TMEM266: variants seen among roughly 807,000 people sequenced by gnomAD.
TMEM266 encodes transmembrane protein 266.
In TMEM266, 33 loss-of-function variants were observed where a neutral mutation model predicts 50.5. The ratio of observed to expected loss-of-function variants is 0.65; its 90% CI spans 0.50 to 0.87. The LOEUF (loss-of-function observed/expected upper bound fraction) is 0.87. Ranked by LOEUF, TMEM266 falls within the 40% of genes least tolerant of loss-of-function variation. The pLI is 0.00. For missense variants in TMEM266, 655 were observed against 695.1 expected, an observed-to-expected ratio of 0.94 and a Z score of 0.65; for synonymous variants, 310 against 292.3, an observed-to-expected ratio of 1.06 and a Z score of -0.62.
chr15:76,182,867 AG>A (rs981359225), intron 8 of TMEM266, among the ~76,000 whole-genome samples: 5 of 152,142 alleles, frequency 3.3e-5, no homozygotes, highest in Admixed American at 3.3e-4. Context: ...AAAGAAACCC[AG>A]GGCTTCAGTG....
At position 76,139,419 on chromosome 15, in the gene TMEM266, G is replaced by C. The variant is rs1250073434; in HGVS notation, c.227+1524G>C. On this transcript the variant is annotated intron_variant, in intron 3 of 10. Transcript: ENST00000388942. The surrounding 1 kb of genome is among the most constrained non-coding windows in gnomAD (Gnocchi z 4.1). ...CAGTGGCAGCACTGTCCTGAGCTCTGTCAGGTCCTTACCATCTTGAAGGCC... is the reference window on the plus strand; with the variant it reads ...CAGTGGCAGCACTGTCCTGAGCTCTCTCAGGTCCTTACCATCTTGAAGGCC... Among the ~76,000 whole-genome samples, 1 of 152,228 alleles carries C rather than the reference G, an allele frequency of 6.6e-6. No homozygotes were observed. The highest frequency in any genetic ancestry group is 2.4e-5 in the African/African-American group (1 of 41,464).
chr15:76,204,170 T>C lies in TMEM266; in HGVS notation c.1451T>C (p.Leu484Pro), dbSNP rs746862201. Residue 484 changes from leucine to proline, a missense_variant, in exon 11 of 11, where the codon CTG (leucine) becomes CCG (proline). Physicochemically the swap from Leu to Pro is moderately conservative, Grantham distance 98. This residue lies in a region of TMEM266 where 455 missense variants were observed against 401.8 expected (regional missense o/e 1.13). Transcript: ENST00000388942. Reference sequence around the variant, plus strand: ...CCCGAGCTGGAACACAGGGTAAGTCTGTTCAACCAGAAGAACCAGGAGGGC... The same window carrying C: ...CCCGAGCTGGAACACAGGGTAAGTCCGTTCAACCAGAAGAACCAGGAGGGC... The C allele has an allele frequency of 1.2e-5, 20 of 1,613,618 alleles. No homozygotes were observed. The highest frequency in any genetic ancestry group is 1.4e-5 in the Non-Finnish European group (17 of 1,180,002).
Position 76,202,266 on chromosome 15 carries a change from T to C in TMEM266, c.1021+2T>C. 1 of 1,612,978 alleles carries C rather than the reference T, an allele frequency of 6.2e-7. No individual in the cohort carries two copies. Among genetic ancestry groups the C allele is most frequent in the East Asian group, 2.2e-5 (1 of 44,856 alleles). Reference sequence around the variant, plus strand: ...AGTATTACAATGGGCCCAGCAGTGGTAAGTCTGGGTTGGGGCTGTTCTACA... The same window carrying C: ...AGTATTACAATGGGCCCAGCAGTGGCAAGTCTGGGTTGGGGCTGTTCTACA... On this transcript the variant is annotated splice_donor_variant, in intron 10 of 10. Coordinates refer to ENST00000388942, the MANE Select transcript of TMEM266 (RefSeq NM_152335.3). LOFTEE classifies it high-confidence loss of function.
chr15:76,084,942 TTTTC>T (rs1444964095), intron 1 of TMEM266, among the ~76,000 whole-genome samples: 3 of 150,428 alleles, frequency 2.0e-5, no homozygotes, highest in Non-Finnish European at 4.4e-5. Flanking sequence ...CAGATTTGCA[TTTTC>T]TTTTTCTTTT....
intron 1 of TMEM266, among the ~76,000 whole-genome samples, chr15:76,126,491 G>A (rs1338620420): frequency 6.6e-6 from 1 of 151,094 alleles, no homozygotes; most frequent in African/African-American, 2.4e-5. Context: ...TGCTAAGCCA[G>A]TCACAGAAAG....
intron 9 of TMEM266, among the ~76,000 whole-genome samples, chr15:76,201,227 A>G (rs1199770836): frequency 6.6e-6 from 1 of 152,024 alleles, no homozygotes; most frequent in Non-Finnish European, 1.5e-5. Flanking sequence ...AGTTCAGACC[A>G]TCCTGTGGCC....
At chr15:76,081,763 G>A (rs1290400930) in intron 1 of TMEM266, among the ~76,000 whole-genome samples, 1 of 152,156 alleles carries the variant, frequency 6.6e-6, no homozygotes, top group East Asian at 1.9e-4. Flanking sequence ...CCAGTTACAT[G>A]GTCACCACAC....
rs115345773 is a variant in TMEM266 at position 76,066,350 on chromosome 15, A to G, written c.-97+6334A>G. Reference sequence around the variant, plus strand: ...AGGAGGGATATATAGAAATAATTAAAATAATGAGAGCACAGGGAATAATTT... The same window carrying G: ...AGGAGGGATATATAGAAATAATTAAGATAATGAGAGCACAGGGAATAATTT... On this transcript the variant is annotated intron_variant, in intron 1 of 10. Coordinates refer to ENST00000388942, the MANE Select transcript of TMEM266 (RefSeq NM_152335.3). 2.5e-3 allele frequency among the ~76,000 whole-genome samples: 375 copies of G among 152,314 alleles called. 1 individual carries two copies. Among genetic ancestry groups the G allele is most frequent in the African/African-American group, 8.7e-3 (363 of 41,570 alleles).
chr15:76,197,821 C>A (rs977576396), intron 9 of TMEM266, among the ~76,000 whole-genome samples: 1 of 152,244 alleles, frequency 6.6e-6, no homozygotes, highest in African/African-American at 2.4e-5. Context: ...GTCCCCACCA[C>A]CTCCAGGAAG....
At chr15:76,090,488 T>C in intron 1 of TMEM266, among the ~76,000 whole-genome samples, 2 of 106,036 alleles carry the variant, frequency 1.9e-5, no homozygotes, top group African/African-American at 8.5e-5. Flanking sequence ...AAAGACTCTG[T>C]CTCAAAAAAA....
At chr15:76,108,868 G>T (rs1244297760) in intron 1 of TMEM266, among the ~76,000 whole-genome samples, 1 of 152,090 alleles carries the variant, frequency 6.6e-6, no homozygotes, top group Non-Finnish European at 1.5e-5. Context: ...TAAATTCAGG[G>T]TACAAGTCTC....
chr15:76,182,480 A>AT lies in TMEM266; in HGVS notation c.768+6806_768+6807insT, dbSNP rs1283369043. On this transcript the variant is annotated intron_variant, in intron 8 of 10. Transcript: ENST00000388942. ...TGAAACCCCGTCTCTACTAAAAAAA[A>AT]ATATATATAAAAAATTAGCCCGGTG... is the stretch of plus-strand genomic sequence containing the variant. 1.4e-3 allele frequency among the ~76,000 whole-genome samples: 207 copies of AT among 151,772 alleles called. 3 individuals carry two copies. The highest frequency in any genetic ancestry group is 4.9e-3 in the African/African-American group (201 of 41,320).
intron 1 of TMEM266, among the ~76,000 whole-genome samples, chr15:76,121,488 C>G (rs1051764739): frequency 6.6e-6 from 1 of 152,078 alleles, no homozygotes; most frequent in African/African-American, 2.4e-5. Context: ...ACGATATCAG[C>G]TCACTGCAAC....
At position 76,152,563 on chromosome 15, in the gene TMEM266, C is replaced by T. The variant is rs549992475; in HGVS notation, c.228-4041C>T. ...CCGGTCCAGCTCCTGGCTCCCATCA[C>T]CCTGGTGTTTCTCATACTGGAGGTA... On this transcript the variant is annotated intron_variant, in intron 3 of 10. Coordinates refer to ENST00000388942, the MANE Select transcript of TMEM266 (RefSeq NM_152335.3). 2.6e-5 allele frequency among the ~76,000 whole-genome samples: 4 copies of T among 152,284 alleles called. No individual in the cohort carries two copies. The South Asian group carries it at 8.3e-4, about 32-fold the overall frequency.
At chr15:76,190,827 T>C (rs2038556255) in intron 8 of TMEM266, among the ~76,000 whole-genome samples, 1 of 152,064 alleles carries the variant, frequency 6.6e-6, no homozygotes, top group Non-Finnish European at 1.5e-5. Context: ...TTGCGCGGCA[T>C]TGGTAAGTAG....
At chr15:76,203,645 A>G (rs1263469883) in intron 10 of TMEM266, 96 bp from the exon 11 acceptor site, 5 of 1,179,944 alleles carry the variant, frequency 4.2e-6, no homozygotes, top group Non-Finnish European at 6.2e-6. Context: ...GCCTAGCCAC[A>G]CTCATTGCCC....
intron 3 of TMEM266, among the ~76,000 whole-genome samples, chr15:76,147,142 G>A: frequency 6.6e-6 from 1 of 152,230 alleles, no homozygotes; most frequent in East Asian, 1.9e-4. Context: ...AGAGCTGCAC[G>A]GGAGGCCCCA....
chr15:76,163,942 T>G (rs2038055419), intron 5 of TMEM266, among the ~76,000 whole-genome samples: 1 of 152,192 alleles, frequency 6.6e-6, no homozygotes, highest in Non-Finnish European at 1.5e-5. Flanking sequence ...TCCGTGGCAT[T>G]TAGTACCCAC....
At chr15:76,079,700 G>T (rs1210371764) in intron 1 of TMEM266, among the ~76,000 whole-genome samples, 1 of 149,166 alleles carries the variant, frequency 6.7e-6, no homozygotes, top group African/African-American at 2.5e-5. Context: ...AGTGAAACCG[G>T]GAGGCAGAGC....
Sources: allele counts gnomAD v4.1 joint callset (sites outside exome capture counted in the v4.1 genomes callset), GRCh38; gene constraint gnomAD v4.1.1; regional missense constraint gnomAD v4.1.1; non-coding constraint Gnocchi (gnomAD v3.1); transcripts MANE v1.5; gene names NCBI Gene and HGNC (gene_info 2026-07-23, HGNC 2026-07-21).